The following TENM3 variants were observed in gnomAD, a reference collection of about 807,000 sequenced individuals.
TENM3 encodes the protein teneurin transmembrane protein 3, also known as teneurin-3.
A neutral mutation model predicts 255.1 loss-of-function variants in TENM3; 63 were observed. The observed-to-expected ratio is 0.25, with a 90% CI of 0.20 to 0.30. TENM3 has a LOEUF of 0.30. Ranked by LOEUF, TENM3 falls within the 10% of genes least tolerant of loss-of-function variation. The probability of loss-of-function intolerance (pLI) is 1.00; values close to 1 mark genes in which losing one functional copy is unlikely to be tolerated. For missense variants in TENM3, 2,929 were observed against 3,461.1 expected (o/e 0.85, Z 3.86); for synonymous variants, 1,306 against 1,322.3 (o/e 0.99, Z 0.27).
intron 3 of TENM3, among the ~76,000 whole-genome samples, chr4:182,475,392 A>T (rs1291377049): frequency 7.6e-6 from 1 of 131,622 alleles, no homozygotes; most frequent in Non-Finnish European, 1.6e-5. Flanking sequence ...TATATTACTT[A>T]TTTAAAACTG....
At chr4:181,603,757 A>T in the TENM3 span, among the ~76,000 whole-genome samples, 32 of 152,218 alleles carry the variant, frequency 2.1e-4, no homozygotes, top group Non-Finnish European at 3.2e-4. Flanking sequence ...AACCCGTTGG[A>T]AATAAAATCA....
At chr4:182,240,458 CCT>C (rs1757177580), upstream of TENM3, among the ~76,000 whole-genome samples, 2 of 152,178 alleles carry the variant, frequency 1.3e-5, no homozygotes, top group Non-Finnish European at 2.9e-5. Flanking sequence ...ATCCCAGTCC[CCT>C]GTTAGGCTCC....
chr4:181,577,190 A>G, the TENM3 span, among the ~76,000 whole-genome samples: 5 of 126,468 alleles, frequency 4.0e-5, no homozygotes, highest in African/African-American at 9.1e-5. Context: ...ATTATATATT[A>G]TATATATTAT....
chr4:182,062,411 A>C, the TENM3 span, among the ~76,000 whole-genome samples: 1 of 152,194 alleles, frequency 6.6e-6, no homozygotes, highest in African/African-American at 2.4e-5. Context: ...AAATCCATCA[A>C]TGCGTCTCCA....
the TENM3 span, among the ~76,000 whole-genome samples, chr4:181,732,408 G>A: frequency 1.3e-5 from 2 of 152,066 alleles, no homozygotes; most frequent in Non-Finnish European, 2.9e-5. Flanking sequence ...GTTTCTTAAT[G>A]TACAGAAATG....
the TENM3 span, among the ~76,000 whole-genome samples, chr4:181,468,413 T>C: frequency 6.6e-6 from 1 of 152,228 alleles, no homozygotes; most frequent in Non-Finnish European, 1.5e-5. Flanking sequence ...TGTGCTTCAA[T>C]TTTCTGCATT....
intron 19 of TENM3, 34 bp from the exon 20 acceptor site, chr4:182,751,766 T>C (rs1579342842): frequency 2.0e-6 from 3 of 1,487,280 alleles, no homozygotes; most frequent in Admixed American, 1.7e-5. Context: ...TAGGAGTAAC[T>C]CCCTTTGATG....
the TENM3 span, among the ~76,000 whole-genome samples, chr4:181,461,399 T>C: frequency 4.6e-5 from 7 of 152,140 alleles, no homozygotes; most frequent in African/African-American, 1.7e-4. Context: ...TGGGTTAATT[T>C]GATGTGAGGG....
At chr4:182,041,325 A>G in the TENM3 span, among the ~76,000 whole-genome samples, 1 of 152,188 alleles carries the variant, frequency 6.6e-6, no homozygotes, top group East Asian at 1.9e-4. Context: ...TTTAAACAAG[A>G]TAGAAAGGTG....
chr4:181,580,559 G>GC, the TENM3 span, among the ~76,000 whole-genome samples: 1 of 152,144 alleles, frequency 6.6e-6, no homozygotes, highest in African/African-American at 2.4e-5. Context: ...CAGAAGTGGG[G>GC]CCCCCAGCAC....
At chr4:182,023,619 C>G in the TENM3 span, among the ~76,000 whole-genome samples, 1 of 152,164 alleles carries the variant, frequency 6.6e-6, no homozygotes, top group Non-Finnish European at 1.5e-5. Flanking sequence ...GCCCCCTGTG[C>G]ATGGAAAATT....
intron 4 of TENM3, among the ~76,000 whole-genome samples, chr4:182,619,827 A>G (rs946689035): frequency 1.3e-5 from 2 of 152,228 alleles, no homozygotes; most frequent in Non-Finnish European, 2.9e-5. Flanking sequence ...CAGTGGCACA[A>G]ATAGCTGAGG....
At chr4:182,095,477 G>A in the TENM3 span, among the ~76,000 whole-genome samples, 2 of 152,144 alleles carry the variant, frequency 1.3e-5, no homozygotes, top group Non-Finnish European at 1.5e-5. Context: ...TCACTCATAC[G>A]TGAAAGCTTA....
intron 1 of TENM3, among the ~76,000 whole-genome samples, chr4:182,171,319 A>G (rs1464337397): frequency 1.3e-5 from 2 of 152,160 alleles, no homozygotes; most frequent in Non-Finnish European, 1.5e-5. Flanking sequence ...GGAGCTAGTC[A>G]TATTATACTT....
At chr4:182,767,935 A>G (rs1561223813) in intron 22 of TENM3, among the ~76,000 whole-genome samples, 1 of 152,228 alleles carries the variant, frequency 6.6e-6, no homozygotes, top group Non-Finnish European at 1.5e-5. Context: ...CGGAGAAAGC[A>G]GTCACATTTC....
At chr4:182,505,346 G>A (rs1736704051) in intron 3 of TENM3, among the ~76,000 whole-genome samples, 2 of 152,136 alleles carry the variant, frequency 1.3e-5, no homozygotes, top group South Asian at 4.2e-4. Context: ...CTGCCAGATA[G>A]CATTCCAAAG....
chr4:182,497,562 A>G (rs1431730379), intron 3 of TENM3, among the ~76,000 whole-genome samples: 2 of 152,228 alleles, frequency 1.3e-5, no homozygotes, highest in African/African-American at 4.8e-5. Flanking sequence ...GAATGTTCAT[A>G]CAACTGGCAG....
chr4:181,921,031 A>G, the TENM3 span, among the ~76,000 whole-genome samples: 1,050 of 152,272 alleles, frequency 6.9e-3, 6 homozygotes, highest in African/African-American at 0.024. Context: ...TTTGTCAAAG[A>G]TCAGATAGTT....
intron 12 of TENM3, among the ~76,000 whole-genome samples, chr4:182,691,733 A>G (rs932807160): frequency 1.3e-5 from 2 of 152,202 alleles, no homozygotes; most frequent in Admixed American, 1.3e-4. Context: ...ATCTACTTTT[A>G]GCAATATTGT....
Sources: gnomAD v4.1 joint callset for allele counts (sites outside exome capture counted in the v4.1 genomes callset) on GRCh38, gnomAD v4.1.1 for gene constraint, MANE v1.5 for transcripts, NCBI Gene and HGNC (gene_info 2026-07-23, HGNC 2026-07-21) for gene names.